PTPRD: variants seen among roughly 807,000 people sequenced by gnomAD.
The protein encoded by PTPRD is protein tyrosine phosphatase receptor type D.
In PTPRD, 34 loss-of-function variants were observed where a neutral mutation model predicts 214.5. The ratio of observed to expected loss-of-function variants is 0.16; its 90% CI spans 0.12 to 0.21. The LOEUF (loss-of-function observed/expected upper bound fraction) is 0.21, where lower values mean the gene tolerates loss of function less well. PTPRD is among the 10% of genes least tolerant of loss of function. The pLI is 1.00. For synonymous variants in PTPRD, 1,128 were observed against 845.7 expected, an observed-to-expected ratio of 1.33 and a Z score of -5.79; for missense variants, 2,545 against 2,398.7, an observed-to-expected ratio of 1.06 and a Z score of -1.27.
intron 9 of PTPRD, among the ~76,000 whole-genome samples, chr9:9,231,358 T>C (rs2099962997): frequency 6.6e-6 from 1 of 152,146 alleles, no homozygotes; most frequent in African/African-American, 2.4e-5. Context: ...TGCAAATAAG[T>C]AATTAGAGTA....
At chr9:10,487,843 T>C (rs541936200) in intron 2 of PTPRD, among the ~76,000 whole-genome samples, 1 of 151,980 alleles carries the variant, frequency 6.6e-6, no homozygotes, top group Non-Finnish European at 1.5e-5. Flanking sequence ...ACTTTTTTTT[T>C]TTTTAAAAAG....
At chr9:10,606,207 T>C (rs766879374) in intron 2 of PTPRD, among the ~76,000 whole-genome samples, 12 of 151,880 alleles carry the variant, frequency 7.9e-5, no homozygotes, top group African/African-American at 1.4e-4. Context: ...CCTAGAAATC[T>C]GATGACCACC....
chr9:9,704,112 T>C (rs2097551832), intron 7 of PTPRD, among the ~76,000 whole-genome samples: 1 of 152,338 alleles, frequency 6.6e-6, no homozygotes, highest in African/African-American at 2.4e-5. Context: ...AATAGCCTTT[T>C]TAAAATTTAT....
chr9:8,850,516 TC>T (rs1171123494), intron 11 of PTPRD, among the ~76,000 whole-genome samples: 2 of 152,240 alleles, frequency 1.3e-5, no homozygotes, highest in Non-Finnish European at 2.9e-5. Context: ...AATATTTTAT[TC>T]CTCTAGAAAA....
At chr9:9,998,129 A>AAAAAATATATATATAT (rs57991748) in intron 4 of PTPRD, among the ~76,000 whole-genome samples, 20 of 91,462 alleles carry the variant, frequency 2.2e-4, no homozygotes, top group East Asian at 7.3e-4. Context: ...AAAAAAAAAA[A>AAAAAATATATATATAT]ATATATATAT....
intron 10 of PTPRD, among the ~76,000 whole-genome samples, chr9:9,026,464 G>T (rs2099587394): frequency 6.6e-6 from 1 of 152,080 alleles, no homozygotes; most frequent in East Asian, 1.9e-4. Context: ...CCTATTATCT[G>T]TTAGACAGTT....
At chr9:10,549,273 C>G (rs2060797648) in intron 2 of PTPRD, among the ~76,000 whole-genome samples, 1 of 152,104 alleles carries the variant, frequency 6.6e-6, no homozygotes, top group South Asian at 2.1e-4. Context: ...TCAAATAACC[C>G]TGTTAGACTT....
At chr9:9,394,910 T>C (rs2067204719) in intron 9 of PTPRD, among the ~76,000 whole-genome samples, 1 of 152,114 alleles carries the variant, frequency 6.6e-6, no homozygotes, top group Non-Finnish European at 1.5e-5. Context: ...CCAAAGATCA[T>C]GTTTGCATAG....
intron 10 of PTPRD, among the ~76,000 whole-genome samples, chr9:9,064,282 TG>T (rs1410568942): frequency 6.6e-6 from 1 of 152,190 alleles, no homozygotes; most frequent in Non-Finnish European, 1.5e-5. Context: ...ATTAAAAATA[TG>T]GATGTCATCT....
At chr9:9,694,217 G>A (rs1046322773) in intron 7 of PTPRD, among the ~76,000 whole-genome samples, 2 of 151,692 alleles carry the variant, frequency 1.3e-5, no homozygotes, top group African/African-American at 4.8e-5. Flanking sequence ...TCACCATCTG[G>A]GCTTGTTTCT....
At chr9:10,057,261 G>C (rs1336656804) in intron 3 of PTPRD, among the ~76,000 whole-genome samples, 1 of 152,036 alleles carries the variant, frequency 6.6e-6, no homozygotes, top group Non-Finnish European at 1.5e-5. Flanking sequence ...GTAAACTACT[G>C]GTGCACTACT....
At chr9:8,932,228 C>A (rs2154282931) in intron 11 of PTPRD, among the ~76,000 whole-genome samples, 1 of 152,218 alleles carries the variant, frequency 6.6e-6, no homozygotes, top group East Asian at 1.9e-4. Context: ...TCTTGCCTCT[C>A]TAGTTCTTTT....
chr9:9,997,225 C>G (rs776103755), intron 4 of PTPRD, among the ~76,000 whole-genome samples: 16 of 151,112 alleles, frequency 1.1e-4, no homozygotes, highest in Non-Finnish European at 2.1e-4. Flanking sequence ...AAGATATTCA[C>G]TAGGGAGACT....
At chr9:9,178,486 C>T (rs898017574) in intron 10 of PTPRD, among the ~76,000 whole-genome samples, 6 of 152,040 alleles carry the variant, frequency 3.9e-5, no homozygotes, top group Non-Finnish European at 8.8e-5. Context: ...TTGGGCAGGA[C>T]ATTTGCCTTC....
chr9:10,319,615 A>AT (rs996823630), intron 3 of PTPRD, among the ~76,000 whole-genome samples: 5 of 151,970 alleles, frequency 3.3e-5, no homozygotes, highest in African/African-American at 1.2e-4. Flanking sequence ...TTTTCACCAC[A>AT]TTTTTTTAAA....
At chr9:9,764,936 G>C (rs187885815) in intron 6 of PTPRD, among the ~76,000 whole-genome samples, 2 of 152,116 alleles carry the variant, frequency 1.3e-5, no homozygotes, top group Non-Finnish European at 2.9e-5. Flanking sequence ...GCAGGCTCGA[G>C]GTTGAAGCTG....
intron 9 of PTPRD, among the ~76,000 whole-genome samples, chr9:9,214,670 A>G (rs2099950982): frequency 6.6e-6 from 1 of 152,192 alleles, no homozygotes; most frequent in Admixed American, 6.5e-5. Flanking sequence ...CTTTTAGAGA[A>G]GATAAAAACG....
chr9:10,388,252 T>C lies in PTPRD; in HGVS notation c.-599-47235A>G, dbSNP rs145238678. Among the ~76,000 whole-genome samples, 7 of 151,980 alleles carry C rather than the reference T, an allele frequency of 4.6e-5. No homozygotes were observed. In the South Asian group the frequency reaches 8.3e-4, roughly 18 times the overall value. On this transcript the variant is annotated intron_variant, in intron 2 of 45. Coordinates refer to ENST00000381196, the MANE Select transcript of PTPRD (RefSeq NM_002839.4). ...CAGAGAAACGTGTGATTCAAAGATATTAGCTTTATATAGAATCTGGACTCA... is the reference window on the plus strand; with the variant it reads ...CAGAGAAACGTGTGATTCAAAGATACTAGCTTTATATAGAATCTGGACTCA...
At chr9:9,834,411 C>T (rs773105518) in intron 5 of PTPRD, among the ~76,000 whole-genome samples, 6 of 152,070 alleles carry the variant, frequency 3.9e-5, no homozygotes, top group Non-Finnish European at 8.8e-5. Flanking sequence ...GAACCCTGAA[C>T]TCCACAAATT....
Sources: gnomAD v4.1 joint callset for allele counts (sites outside exome capture counted in the v4.1 genomes callset) on GRCh38, gnomAD v4.1.1 for gene constraint, MANE v1.5 for transcripts, NCBI Gene and HGNC (gene_info 2026-07-23, HGNC 2026-07-21) for gene names.